The following LRRC4C variants were observed in gnomAD, a reference collection of about 807,000 sequenced individuals.
The protein encoded by LRRC4C is leucine-rich repeat-containing protein 4C.
Under a neutral mutation model 33.6 loss-of-function variants are expected in LRRC4C, and 5 were observed. The observed-to-expected ratio is 0.15, with a 90% confidence interval of 0.08 to 0.31. The LOEUF is 0.31. LRRC4C is among the 10% of genes least tolerant of loss of function. LRRC4C has a pLI of 1.00. For missense variants in LRRC4C, 560 were observed against 796.7 expected (o/e 0.70, Z 3.58); for synonymous variants, 329 against 302.0 (o/e 1.09, Z -0.93).
At chr11:41,206,363 A>G (rs1406568279) in intron 1 of LRRC4C, among the ~76,000 whole-genome samples, 1 of 152,170 alleles carries the variant, frequency 6.6e-6, no homozygotes, top group African/African-American at 2.4e-5. Flanking sequence ...AAAAATTTCA[A>G]AATGTTGGGT....
intron 3 of LRRC4C, among the ~76,000 whole-genome samples, chr11:40,604,632 T>C (rs1419770444): frequency 1.3e-5 from 2 of 152,122 alleles, no homozygotes; most frequent in African/African-American, 4.8e-5. Context: ...AATAATAACC[T>C]ATACAGTGAT....
chr11:41,201,935 CA>C (rs1221227788), intron 1 of LRRC4C, among the ~76,000 whole-genome samples: 1 of 151,762 alleles, frequency 6.6e-6, no homozygotes, highest in Non-Finnish European at 1.5e-5. Context: ...CACACACACA[CA>C]CACACACACA....
chr11:40,755,728 A>G (rs1378505723), intron 2 of LRRC4C, among the ~76,000 whole-genome samples: 1 of 152,080 alleles, frequency 6.6e-6, no homozygotes, highest in Non-Finnish European at 1.5e-5. Flanking sequence ...TTCATAGTAC[A>G]TTGAGAGAGC....
At chr11:40,417,981 T>C (rs1312663321) in intron 3 of LRRC4C, among the ~76,000 whole-genome samples, 1 of 152,246 alleles carries the variant, frequency 6.6e-6, no homozygotes, top group Non-Finnish European at 1.5e-5. Context: ...TTCTGATGTC[T>C]GAATCATTTG....
intron 2 of LRRC4C, among the ~76,000 whole-genome samples, chr11:40,648,598 A>T (rs6485213): frequency 1.2e-4 from 18 of 152,146 alleles, no homozygotes; most frequent in South Asian, 6.2e-4. Context: ...TTACTTCATG[A>T]GGTAAGAAGG....
chr11:40,836,123 T>C (rs1952658216), intron 2 of LRRC4C, among the ~76,000 whole-genome samples: 1 of 152,202 alleles, frequency 6.6e-6, no homozygotes, highest in African/African-American at 2.4e-5. Context: ...CAGAGTCATA[T>C]GACCAGTTTG....
chr11:41,167,126 G>A (rs2136070993), intron 1 of LRRC4C, among the ~76,000 whole-genome samples: 1 of 152,094 alleles, frequency 6.6e-6, no homozygotes, highest in South Asian at 2.1e-4. Flanking sequence ...ATATACAGAT[G>A]ATATAGATTT....
chr11:41,337,632 G>A (rs1326877316), intron 1 of LRRC4C, among the ~76,000 whole-genome samples: 1 of 151,972 alleles, frequency 6.6e-6, no homozygotes, highest in Admixed American at 6.6e-5. Context: ...CATGGGCAAG[G>A]GTTTCATTAT....
intron 1 of LRRC4C, among the ~76,000 whole-genome samples, chr11:41,056,928 AC>A (rs1858664300): frequency 6.6e-6 from 1 of 151,854 alleles, no homozygotes; most frequent in African/African-American, 2.4e-5. Flanking sequence ...ACAAGTGGGA[AC>A]CCCACCCCTA....
intron 3 of LRRC4C, among the ~76,000 whole-genome samples, chr11:40,509,322 T>C (rs1020071372): frequency 6.6e-6 from 1 of 152,144 alleles, no homozygotes; most frequent in African/African-American, 2.4e-5. Context: ...AATAGTTTAA[T>C]AGGAAAGCTT....
At chr11:41,059,210 G>GTTTTTTTTTGT (rs1555056812) in intron 1 of LRRC4C, among the ~76,000 whole-genome samples, 1 of 125,196 alleles carries the variant, frequency 8.0e-6, no homozygotes. Context: ...TAAAATAAAA[G>GTTTTTTTTTGT]TTTTTTTTTT....
At chr11:40,170,211 A>G (rs1166409185) in intron 5 of LRRC4C, among the ~76,000 whole-genome samples, 2 of 152,242 alleles carry the variant, frequency 1.3e-5, no homozygotes, top group Admixed American at 6.5e-5. Flanking sequence ...ATGAATGGTT[A>G]AAAGAACATA....
chr11:41,264,535 T>G (rs1486418646), intron 1 of LRRC4C, among the ~76,000 whole-genome samples: 1 of 152,118 alleles, frequency 6.6e-6, no homozygotes, highest in Admixed American at 6.6e-5. Flanking sequence ...GTCACATACA[T>G]ACACATGTAC....
intron 3 of LRRC4C, among the ~76,000 whole-genome samples, chr11:40,585,646 C>T: frequency 7.7e-6 from 1 of 129,782 alleles, no homozygotes; most frequent in African/African-American, 2.9e-5. Flanking sequence ...CAACAGTCCC[C>T]AGAGTGTGAT....
chr11:40,845,767 C>T (rs76748488), intron 2 of LRRC4C, among the ~76,000 whole-genome samples: 18,754 of 152,176 alleles, frequency 0.12, 1,248 homozygotes, highest in African/African-American at 0.16. Context: ...CTGTCTCCCA[C>T]AATGGTTGAA....
At chr11:40,308,980 C>T (rs889378328) in intron 4 of LRRC4C, among the ~76,000 whole-genome samples, 9 of 152,184 alleles carry the variant, frequency 5.9e-5, no homozygotes, top group African/African-American at 1.7e-4. Context: ...TAGGTATTCT[C>T]AAAGAAGTAT....
intron 2 of LRRC4C, among the ~76,000 whole-genome samples, chr11:40,890,865 A>G (rs986285396): frequency 6.6e-5 from 10 of 152,166 alleles, no homozygotes; most frequent in African/African-American, 2.4e-4. Flanking sequence ...AAAATTGCAA[A>G]CATATCCAAT....
chr11:40,583,395 T>C (rs1383584269), intron 3 of LRRC4C, among the ~76,000 whole-genome samples: 1 of 152,228 alleles, frequency 6.6e-6, no homozygotes, highest in African/African-American at 2.4e-5. Flanking sequence ...CTTCACACTG[T>C]AGCACCTTTA....
chr11:40,860,827 C>T (rs1460505148), intron 2 of LRRC4C, among the ~76,000 whole-genome samples: 2 of 103,406 alleles, frequency 1.9e-5, no homozygotes, highest in African/African-American at 3.8e-5. Context: ...CAGTGAGGCA[C>T]GATTCAACCC....
Sources: allele counts gnomAD v4.1 joint callset (sites outside exome capture counted in the v4.1 genomes callset), GRCh38; gene constraint gnomAD v4.1.1; transcripts MANE v1.5; gene names NCBI Gene and HGNC (gene_info 2026-07-23, HGNC 2026-07-21).